Variants in ZNF469 observed in about 807,000 individuals in gnomAD.
ZNF469 encodes zinc finger protein 469.
In ZNF469, 1 loss-of-function variant was observed where a neutral mutation model predicts 1.0. The ratio of observed to expected loss-of-function variants is 1.00; its 90% CI spans 0.35 to 4.73. ZNF469 has a LOEUF of 4.73. Among genes scored for constraint, ZNF469 ranks in the 30% most tolerant of loss-of-function variants. The pLI, the probability that ZNF469 is intolerant of heterozygous loss-of-function variation, is 0.16. For synonymous variants in ZNF469, 2,703 were observed against 2,363.4 expected, an observed-to-expected ratio of 1.14 and a Z score of -4.17; for missense variants, 6,100 against 5,356.3, an observed-to-expected ratio of 1.14 and a Z score of -4.33.
At chr16:88,287,190 T>C in the ZNF469 span, among the ~76,000 whole-genome samples, 1 of 152,232 alleles carries the variant, frequency 6.6e-6, no homozygotes, top group East Asian at 1.9e-4. Flanking sequence ...CCGTAGCCGA[T>C]GGCCATTCAT....
the ZNF469 span, among the ~76,000 whole-genome samples, chr16:88,235,189 G>T: frequency 2.0e-5 from 3 of 152,182 alleles, no homozygotes; most frequent in African/African-American, 7.2e-5. Context: ...GATGGAGAGG[G>T]TCCTGACTGG....
At chr16:88,371,088 A>G in the ZNF469 span, among the ~76,000 whole-genome samples, 1 of 152,260 alleles carries the variant, frequency 6.6e-6, no homozygotes, top group East Asian at 1.9e-4. Context: ...AAAATGGCCC[A>G]CATGCTCCTC....
At chr16:88,397,655 G>T (rs75331544) in intron 1 of ZNF469, among the ~76,000 whole-genome samples, 18,435 of 133,120 alleles carry the variant, frequency 0.14, 1,374 homozygotes, top group African/African-American at 0.19. Context: ...ATATAAATAA[G>T]AGATAGATAG....
chr16:88,387,846 TG>T (rs1357933935), intron 1 of ZNF469, among the ~76,000 whole-genome samples: 1 of 152,086 alleles, frequency 6.6e-6, no homozygotes. Context: ...CCCCCCGCCG[TG>T]GAGGAACCAG....
At chr16:88,412,133 C>T (rs901374132) in intron 1 of ZNF469, among the ~76,000 whole-genome samples, 1 of 152,162 alleles carries the variant, frequency 6.6e-6, no homozygotes, top group African/African-American at 2.4e-5. Context: ...GAGCCCCACC[C>T]TCCATCAGGA....
Position 88,439,108 on chromosome 16 carries a change from G to A in ZNF469, c.11638G>A (p.Ala3880Thr), listed in dbSNP as rs1906821501. Reference protein sequence around the residue: ...PRPPPSEQRKAEPGHTQRKDR... With the variant: ...PRPPPSEQRKTEPGHTQRKDR... ...GCCGCCACCATCAGAGCAGCGGAAG[G>A]CAGAGCCGGGCCACACACAGAGGAA... Residue 3880 changes from alanine (A) to threonine (T), a missense_variant, in exon 3 of 3, where the codon GCA becomes ACA. Ala to Thr is a moderately conservative substitution (Grantham distance 58). Coordinates refer to ENST00000565624, the MANE Select transcript of ZNF469 (RefSeq NM_001367624.2). 1 of 1,550,980 alleles carries A rather than the reference G, an allele frequency of 6.4e-7. No individual in the cohort carries two copies. Among genetic ancestry groups the A allele is most frequent in the Non-Finnish European group, 8.7e-7 (1 of 1,146,978 alleles).
the ZNF469 span, among the ~76,000 whole-genome samples, chr16:88,224,539 G>A: frequency 5.3e-5 from 8 of 152,314 alleles, no homozygotes; most frequent in African/African-American, 1.4e-4. Flanking sequence ...GGCCTGCAGC[G>A]TGGCACTTAG....
chr16:88,176,899 G>C, the ZNF469 span, among the ~76,000 whole-genome samples: 768 of 152,356 alleles, frequency 5.0e-3, 2 homozygotes, highest in Non-Finnish European at 7.8e-3. Flanking sequence ...ATGCAGAAAC[G>C]ACAGATTCTT....
the ZNF469 span, among the ~76,000 whole-genome samples, chr16:88,313,078 C>A: frequency 6.6e-6 from 1 of 152,216 alleles, no homozygotes; most frequent in Non-Finnish European, 1.5e-5. Context: ...CGGTCAGGGT[C>A]AGTGTTAGGG....
At chr16:88,101,237 C>T in the ZNF469 span, among the ~76,000 whole-genome samples, 1 of 152,242 alleles carries the variant, frequency 6.6e-6, no homozygotes, top group Non-Finnish European at 1.5e-5. Context: ...GGGGAACGTG[C>T]CATCCGGGAA....
At chr16:88,240,547 C>T in the ZNF469 span, among the ~76,000 whole-genome samples, 1 of 152,050 alleles carries the variant, frequency 6.6e-6, no homozygotes, top group African/African-American at 2.4e-5. Flanking sequence ...ATATGCAGAA[C>T]GTGGGGTCCA....
the ZNF469 span, among the ~76,000 whole-genome samples, chr16:88,325,306 C>T: frequency 7.2e-5 from 11 of 152,212 alleles, no homozygotes; most frequent in Admixed American, 3.3e-4. Flanking sequence ...CCCGGGGGGC[C>T]GCAGGGGCTC....
chr16:88,153,363 T>G, the ZNF469 span, among the ~76,000 whole-genome samples: 1 of 152,180 alleles, frequency 6.6e-6, no homozygotes, highest in South Asian at 2.1e-4. Context: ...AATGGGCTGG[T>G]CTAGAAGAGT....
At chr16:88,151,606 C>G in the ZNF469 span, among the ~76,000 whole-genome samples, 1 of 152,368 alleles carries the variant, frequency 6.6e-6, no homozygotes, top group South Asian at 2.1e-4. The surrounding 1 kb of genome is among the most constrained non-coding windows in gnomAD (Gnocchi z 5.4). Context: ...ACCACTGCTT[C>G]TAGTGTCTTC....
At chr16:88,341,972 T>C in the ZNF469 span, among the ~76,000 whole-genome samples, 9 of 151,860 alleles carry the variant, frequency 5.9e-5, no homozygotes, top group Non-Finnish European at 1.3e-4. Flanking sequence ...GACTTCGAGG[T>C]GCCCAGCTGG....
chr16:88,312,634 T>A, the ZNF469 span, among the ~76,000 whole-genome samples: 2 of 152,242 alleles, frequency 1.3e-5, no homozygotes, highest in African/African-American at 4.8e-5. Flanking sequence ...GTTAGAAACA[T>A]CTTTCATGAT....
the ZNF469 span, among the ~76,000 whole-genome samples, chr16:88,332,260 T>C: frequency 6.6e-6 from 1 of 152,186 alleles, no homozygotes; most frequent in South Asian, 2.1e-4. Flanking sequence ...CCCCATTAGG[T>C]ATTAAGCGGG....
chr16:88,418,813 A>G (rs1333634561), intron 1 of ZNF469, among the ~76,000 whole-genome samples: 1 of 152,240 alleles, frequency 6.6e-6, no homozygotes, highest in Admixed American at 6.5e-5. Flanking sequence ...CTGAGCACTC[A>G]GGTAACAGAT....
the ZNF469 span, among the ~76,000 whole-genome samples, chr16:88,294,062 G>A: frequency 1.3e-5 from 2 of 152,356 alleles, no homozygotes; most frequent in African/African-American, 2.4e-5. Flanking sequence ...AGTGCCTCAA[G>A]AGAGGAGTCA....
Sources: gnomAD v4.1 joint callset for allele counts (sites outside exome capture counted in the v4.1 genomes callset) on GRCh38, gnomAD v4.1.1 for gene constraint, Gnocchi (gnomAD v3.1) non-coding constraint, MANE v1.5 for transcripts, NCBI Gene and HGNC (gene_info 2026-07-23, HGNC 2026-07-21) for gene names.